The following TGFB2 variants were observed in gnomAD, a reference collection of about 807,000 sequenced individuals.
The protein encoded by TGFB2 is transforming growth factor beta 2, also known as transforming growth factor beta-2 proprotein.
A neutral mutation model predicts 42.7 loss-of-function variants in TGFB2; 13 were observed. The observed-to-expected ratio is 0.30, with a 90% CI of 0.20 to 0.48. TGFB2 has a LOEUF of 0.48. Among genes scored for constraint, TGFB2 ranks in the 20% least tolerant of loss-of-function variants. TGFB2 has a pLI of 0.99. For synonymous variants in TGFB2, 193 were observed against 193.6 expected (o/e 1.00, Z 0.03); for missense variants, 390 against 517.5 (o/e 0.75, Z 2.39).
Position 218,441,246 on chromosome 1 carries a change from T to C in TGFB2, c.1129T>C (p.Ser377Pro). The C allele has an allele frequency of 6.2e-7, 1 of 1,613,824 alleles. No homozygotes were observed. The highest frequency in any genetic ancestry group is 8.5e-7 in the Non-Finnish European group (1 of 1,179,920). ...YNTINPEASASPCCVSQDLEP... is the reference protein window; with the variant it reads ...YNTINPEASAPPCCVSQDLEP... ...TACCATAAATCCAGAAGCATCTGCT[T>C]CTCCTTGCTGCGTGTCCCAAGATTT... is the stretch of plus-strand genomic sequence containing the variant. Residue 377 changes from serine to proline, a missense_variant, in exon 7 of 7, where the codon TCT becomes CCT. By Grantham distance (74) the Ser-to-Pro change is moderately conservative. Coordinates refer to ENST00000366930, the MANE Select transcript of TGFB2 (RefSeq NM_003238.6).
intron 3 of TGFB2, 37 bp downstream of exon 3, chr1:218,434,251 C>T: frequency 6.2e-7 from 1 of 1,612,468 alleles, no homozygotes; most frequent in Admixed American, 1.7e-5. Flanking sequence ...CCAAGATGTT[C>T]AGTATCCCTA....
rs546753605 is a variant in TGFB2 at position 218,405,441 on chromosome 1, T to C, written c.510+109T>C. Reference sequence around the variant, plus strand: ...GTACAGTGGCATGATCACAGCTCACTGCAACCTTGAACTCCTGGGTTCAAA... The same window carrying C: ...GTACAGTGGCATGATCACAGCTCACCGCAACCTTGAACTCCTGGGTTCAAA... On this transcript the variant is annotated intron_variant, in intron 2 of 6. Transcript: ENST00000366930. 2.6e-5 allele frequency: 41 copies of C among 1,578,286 alleles called. No homozygotes were observed. The African/African-American group carries it at 4.4e-4, about 17-fold the overall frequency.
At chr1:218,396,639 T>A (rs996866618) in intron 1 of TGFB2, among the ~76,000 whole-genome samples, 1 of 152,154 alleles carries the variant, frequency 6.6e-6, no homozygotes, top group African/African-American at 2.4e-5. Context: ...CCTGAAATCT[T>A]TGAAATCCCT....
intron 1 of TGFB2, among the ~76,000 whole-genome samples, chr1:218,371,829 C>A (rs1443227834): frequency 1.3e-5 from 2 of 152,194 alleles, no homozygotes; most frequent in Admixed American, 6.5e-5. Context: ...AGTTCCATGC[C>A]ATCTTAAACA....
At chr1:218,394,461 C>G (rs1246305475) in intron 1 of TGFB2, among the ~76,000 whole-genome samples, 3 of 152,140 alleles carry the variant, frequency 2.0e-5, no homozygotes, top group Non-Finnish European at 4.4e-5. Flanking sequence ...GCCGGCACCA[C>G]TGTTATTTTA....
At chr1:218,433,963 G>T (rs1411453920) in intron 2 of TGFB2, 119 bp from the exon 3 acceptor site, 1 of 1,305,746 alleles carries the variant, frequency 7.7e-7, no homozygotes, top group Non-Finnish European at 1.1e-6. Context: ...GACAATGCAT[G>T]GCTATACTAC....
intron 1 of TGFB2, among the ~76,000 whole-genome samples, chr1:218,379,956 T>C (rs1481253309): frequency 1.3e-5 from 2 of 152,218 alleles, no homozygotes; most frequent in Non-Finnish European, 2.9e-5. Context: ...ACAATAATAA[T>C]ACCGATGCGG....
intron 2 of TGFB2, among the ~76,000 whole-genome samples, chr1:218,417,526 G>C (rs2102608283): frequency 6.6e-6 from 1 of 152,336 alleles, no homozygotes. Context: ...CAATGTAATA[G>C]AAAAGAAAAT....
At chr1:218,383,348 C>T (rs894846903) in intron 1 of TGFB2, among the ~76,000 whole-genome samples, 10 of 151,990 alleles carry the variant, frequency 6.6e-5, no homozygotes, top group African/African-American at 2.2e-4. Context: ...TTAGGAGGGT[C>T]CAAAATTCAA....
At chr1:218,421,208 C>A (rs527819066) in intron 2 of TGFB2, among the ~76,000 whole-genome samples, 1 of 152,212 alleles carries the variant, frequency 6.6e-6, no homozygotes, top group Non-Finnish European at 1.5e-5. Context: ...TTTGGAAATT[C>A]TCTTTCTTGC....
intron 1 of TGFB2, among the ~76,000 whole-genome samples, chr1:218,362,894 G>A (rs188340107): frequency 6.6e-6 from 1 of 152,304 alleles, no homozygotes; most frequent in East Asian, 1.9e-4. Context: ...TAGAAATGAT[G>A]ACAGGTGGTT....
At chr1:218,378,304 G>A (rs949258423) in intron 1 of TGFB2, among the ~76,000 whole-genome samples, 1 of 152,156 alleles carries the variant, frequency 6.6e-6, no homozygotes, top group African/African-American at 2.4e-5. Context: ...AGCCTCTCGA[G>A]TAGTTGGGAT....
rs770503806 is a variant in TGFB2, at chr1:218,363,456, GT to G, written c.346+16411del. The G allele has an allele frequency of 3.8e-5, 59 of 1,565,784 alleles. No individual in the cohort carries two copies. In the Middle Eastern group the frequency reaches 5.1e-4, roughly 14 times the overall value. On this transcript the variant is annotated intron_variant, in intron 1 of 6. Coordinates refer to ENST00000366930, the MANE Select transcript of TGFB2 (RefSeq NM_003238.6). ...TCTGCTTTATTCCTCGTTTGACATAGTTATATCAAATCCATCTTTAGTGTTT... is the reference window on the plus strand; with the variant it reads ...TCTGCTTTATTCCTCGTTTGACATAGTATATCAAATCCATCTTTAGTGTTT...
intron 2 of TGFB2, among the ~76,000 whole-genome samples, chr1:218,421,867 A>G (rs1018784811): frequency 1.3e-5 from 2 of 152,176 alleles, no homozygotes; most frequent in Non-Finnish European, 2.9e-5. Context: ...CAGAAATTGA[A>G]GCTATGCAAC....
chr1:218,348,054 A>T (rs1365628218), intron 1 of TGFB2, among the ~76,000 whole-genome samples: 1 of 151,366 alleles, frequency 6.6e-6, no homozygotes, highest in Non-Finnish European at 1.5e-5. Flanking sequence ...GTGTAGAATG[A>T]TTTCAGAGTT....
At chr1:218,427,123 T>A (rs1412093566) in intron 2 of TGFB2, among the ~76,000 whole-genome samples, 4 of 152,148 alleles carry the variant, frequency 2.6e-5, no homozygotes. Flanking sequence ...ATACATAATA[T>A]AAACATTACA....
intron 1 of TGFB2, among the ~76,000 whole-genome samples, chr1:218,375,816 G>A (rs1413397196): frequency 6.6e-6 from 1 of 152,078 alleles, no homozygotes; most frequent in Non-Finnish European, 1.5e-5. Flanking sequence ...ATGGATGCTG[G>A]CCTTAATACC....
intron 1 of TGFB2, among the ~76,000 whole-genome samples, chr1:218,365,020 C>T (rs1195720347): frequency 6.6e-6 from 1 of 151,832 alleles, no homozygotes; most frequent in African/African-American, 2.4e-5. Flanking sequence ...TTGTTGAATA[C>T]CCCCTATGTC....
At chr1:218,395,089 A>G (rs964462180) in intron 1 of TGFB2, among the ~76,000 whole-genome samples, 4 of 152,116 alleles carry the variant, frequency 2.6e-5, no homozygotes, top group Non-Finnish European at 5.9e-5. Flanking sequence ...AAGTGCAGTC[A>G]TTTCTGGAAA....
Sources: allele counts gnomAD v4.1 joint callset (sites outside exome capture counted in the v4.1 genomes callset), GRCh38; gene constraint gnomAD v4.1.1; transcripts MANE v1.5; gene names NCBI Gene and HGNC (gene_info 2026-07-23, HGNC 2026-07-21).